The following BRINP1 variants were observed in gnomAD, a reference collection of about 807,000 sequenced individuals.
The protein encoded by BRINP1 is BMP/retinoic acid-inducible neural-specific protein 1.
A neutral mutation model predicts 72.9 loss-of-function variants in BRINP1; 17 were observed. That is an observed-to-expected ratio of 0.23 (90% confidence interval 0.16 to 0.35). The LOEUF is 0.35. Ranked by LOEUF, BRINP1 falls within the 10% of genes least tolerant of loss-of-function variation. The pLI is 1.00. For missense variants in BRINP1, 850 were observed against 1,001.6 expected, an observed-to-expected ratio of 0.85 and a Z score of 2.04; for synonymous variants, 418 against 378.5, an observed-to-expected ratio of 1.10 and a Z score of -1.21.
intron 7 of BRINP1, among the ~76,000 whole-genome samples, chr9:119,195,250 G>C (rs2118855194): frequency 6.6e-6 from 1 of 152,216 alleles, no homozygotes; most frequent in East Asian, 1.9e-4. Flanking sequence ...CACTTAGTGA[G>C]TATTCACTAA....
chr9:119,351,030 C>T (rs1034766162), intron 1 of BRINP1, among the ~76,000 whole-genome samples: 3 of 151,936 alleles, frequency 2.0e-5, no homozygotes, highest in Admixed American at 2.0e-4. Flanking sequence ...TTAAGCCCCA[C>T]ATGTATTAGG....
chr9:119,216,136 G>T (rs916809104), intron 5 of BRINP1, among the ~76,000 whole-genome samples: 1 of 152,138 alleles, frequency 6.6e-6, no homozygotes, highest in Non-Finnish European at 1.5e-5. Flanking sequence ...AGTGGTTAAA[G>T]GTTTAACAAA....
intron 7 of BRINP1, among the ~76,000 whole-genome samples, chr9:119,199,398 G>A (rs1829780383): frequency 6.6e-6 from 1 of 152,124 alleles, no homozygotes; most frequent in Non-Finnish European, 1.5e-5. Context: ...AACACTGTAT[G>A]GAGAAGGAAA....
chr9:119,262,709 C>T (rs888774203), intron 2 of BRINP1, among the ~76,000 whole-genome samples: 2 of 149,436 alleles, frequency 1.3e-5, no homozygotes, highest in Non-Finnish European at 3.0e-5. Context: ...ACTGTGGGCA[C>T]AGGCATATAA....
At chr9:119,269,753 A>G (rs1830589567) in intron 2 of BRINP1, among the ~76,000 whole-genome samples, 1 of 152,184 alleles carries the variant, frequency 6.6e-6, no homozygotes, top group South Asian at 2.1e-4. Context: ...TTGCTTTCAC[A>G]TGATTCATTC....
chr9:119,368,251 A>G lies in BRINP1; in HGVS notation c.-51+805T>C, dbSNP rs1461286867. On this transcript the variant is annotated intron_variant, in intron 1 of 7. Coordinates refer to ENST00000265922, the MANE Select transcript of BRINP1 (RefSeq NM_014618.3). This position sits in a 1 kb window ranked among gnomAD's most constrained non-coding sequence, Gnocchi z 4.7. ...GCCCCAGATAAGGAGCCCACCGCTG[A>G]CTTCCCCCTTTCTCTGTCACCCACT... 6.6e-6 allele frequency among the ~76,000 whole-genome samples: 1 copy of G among 152,130 alleles called. No homozygotes were observed. Among genetic ancestry groups the G allele is most frequent in the African/African-American group, 2.4e-5 (1 of 41,420 alleles).
At chr9:119,347,565 A>G (rs1831463746) in intron 1 of BRINP1, among the ~76,000 whole-genome samples, 1 of 152,054 alleles carries the variant, frequency 6.6e-6, no homozygotes, top group Admixed American at 6.6e-5. Flanking sequence ...ACCTTGATCA[A>G]TGGCTTCCTC....
At position 119,322,669 on chromosome 9, in the gene BRINP1, A is replaced by AC. The variant is rs1472114726; in HGVS notation, c.-50-9265dup. Among the ~76,000 whole-genome samples the AC allele has an allele frequency of 2.6e-5, 4 of 152,234 alleles. No homozygotes were observed. The South Asian group carries it at 8.3e-4, about 32-fold the overall frequency. On this transcript the variant is annotated intron_variant, in intron 1 of 7. Coordinates refer to ENST00000265922, the MANE Select transcript of BRINP1 (RefSeq NM_014618.3). ...GCTGATGATCGCATCTGGGAAGTTAACCCACAATACTTGCCTCTTAAACCT... is the reference window on the plus strand; with the variant it reads ...GCTGATGATCGCATCTGGGAAGTTAACCCCACAATACTTGCCTCTTAAACCT...
Position 119,275,856 on chromosome 9 carries a change from C to T in BRINP1, c.219-26706G>A, listed in dbSNP as rs558703591. On this transcript the variant is annotated intron_variant, in intron 2 of 7. Coordinates refer to ENST00000265922, the MANE Select transcript of BRINP1 (RefSeq NM_014618.3). The stretch of plus-strand genomic sequence containing the variant: ...TAACTGGGAAAGGGTGTCAGGTAAC[C>T]CTGGATTCCTTAAAAGAGAACCCCC... Among the ~76,000 whole-genome samples, 188 of 152,090 alleles carry T rather than the reference C, an allele frequency of 1.2e-3. 1 individual carries two copies. The highest frequency in any genetic ancestry group is 4.3e-3 in the African/African-American group (177 of 41,482).
chr9:119,295,086 C>A (rs1830861095), intron 2 of BRINP1, among the ~76,000 whole-genome samples: 1 of 151,928 alleles, frequency 6.6e-6, no homozygotes, highest in Non-Finnish European at 1.5e-5. Context: ...ACGAATGCAT[C>A]CCACTTCTCG....
At chr9:119,228,327 AT>A (rs1830114393) in intron 5 of BRINP1, among the ~76,000 whole-genome samples, 1 of 152,072 alleles carries the variant, frequency 6.6e-6, no homozygotes, top group Non-Finnish European at 1.5e-5. Flanking sequence ...TAGGAATTAT[AT>A]TATATATAAT....
In BRINP1 at chr9:119,255,816, G is replaced by A. The variant is rs1010111618; in HGVS notation, c.219-6666C>T. Among the ~76,000 whole-genome samples the A allele has an allele frequency of 4.6e-5, 7 of 152,034 alleles. No homozygotes were observed. The East Asian group carries it at 9.7e-4, about 21-fold the overall frequency. On this transcript the variant is annotated intron_variant, in intron 2 of 7. Transcript: ENST00000265922. The stretch of plus-strand genomic sequence containing the variant: ...TACACATACAAAAAATTAGCCAGGC[G>A]TGGCAGCATGCGCCTGTAGTCCCAG...
chr9:119,306,360 A>G (rs1355575755), intron 2 of BRINP1, among the ~76,000 whole-genome samples: 1 of 152,234 alleles, frequency 6.6e-6, no homozygotes, highest in Non-Finnish European at 1.5e-5. Flanking sequence ...TTTGCTGGAT[A>G]TCCTCCTCCA....
chr9:119,209,573 A>G (rs76052793), intron 6 of BRINP1, among the ~76,000 whole-genome samples: 3 of 149,162 alleles, frequency 2.0e-5, no homozygotes, highest in Non-Finnish European at 3.0e-5. Context: ...TCTCAAAAAA[A>G]TTAAAAAAAA....
intron 1 of BRINP1, among the ~76,000 whole-genome samples, chr9:119,318,281 A>C (rs1219654085): frequency 6.6e-6 from 1 of 152,192 alleles, no homozygotes; most frequent in African/African-American, 2.4e-5. Context: ...TAAATATGAC[A>C]CCTCATTTGT....
At chr9:119,189,441 A>C (rs138909476) in intron 7 of BRINP1, among the ~76,000 whole-genome samples, 67 of 152,288 alleles carry the variant, frequency 4.4e-4, no homozygotes, top group Admixed American at 2.0e-3. Context: ...TTTAGCTTAA[A>C]GGACACACAG....
At chr9:119,364,276 AG>A (rs1263001227) in intron 1 of BRINP1, among the ~76,000 whole-genome samples, 1 of 152,206 alleles carries the variant, frequency 6.6e-6, no homozygotes, top group Non-Finnish European at 1.5e-5. Context: ...AGGATGATTT[AG>A]GGGCAAAGTA....
At chr9:119,328,193 C>A (rs1309712328) in intron 1 of BRINP1, among the ~76,000 whole-genome samples, 1 of 152,102 alleles carries the variant, frequency 6.6e-6, no homozygotes, top group Non-Finnish European at 1.5e-5. Context: ...AGAAAAGGGT[C>A]TCAAGTTTCA....
At chr9:119,168,339 G>T in intron 7 of BRINP1, 115 bp from the exon 8 acceptor site, 1 of 790,152 alleles carries the variant, frequency 1.3e-6, no homozygotes, top group Non-Finnish European at 1.9e-6. Context: ...GGACTGGATG[G>T]AGCAGTGACA....
Sources: allele counts gnomAD v4.1 joint callset (sites outside exome capture counted in the v4.1 genomes callset), GRCh38; gene constraint gnomAD v4.1.1; non-coding constraint Gnocchi (gnomAD v3.1); transcripts MANE v1.5; gene names NCBI Gene and HGNC (gene_info 2026-07-23, HGNC 2026-07-21).